The following PIGN variants were observed in gnomAD, a reference collection of about 807,000 sequenced individuals.
The protein encoded by PIGN is phosphatidylinositol glycan anchor biosynthesis class N, also known as GPI ethanolamine phosphate transferase 1.
PIGN carries 117 observed loss-of-function variants against 125.4 expected under a neutral mutation model. The observed-to-expected ratio is 0.93, with a 90% confidence interval of 0.80 to 1.09. The LOEUF is 1.09. Among genes scored for constraint, PIGN ranks in the 50% least tolerant of loss-of-function variants. PIGN has a pLI of 0.00. For synonymous variants in PIGN, 392 were observed against 377.8 expected (o/e 1.04, Z -0.44); for missense variants, 1,075 against 1,094.9 (o/e 0.98, Z 0.26).
chr18:62,037,677 CTGG>C (rs2030278660), downstream of PIGN, among the ~76,000 whole-genome samples: 5 of 152,196 alleles, frequency 3.3e-5, no homozygotes, highest in Non-Finnish European at 2.9e-5. Flanking sequence ...GCACGGTGAG[CTGG>C]AGAGACCTTT....
intron 23 of PIGN, among the ~76,000 whole-genome samples, chr18:62,022,945 A>G (rs2030071030): frequency 6.6e-6 from 1 of 152,198 alleles, no homozygotes. Flanking sequence ...ATAATTTCTA[A>G]ATTACTTATA....
intron 4 of PIGN, 92 bp downstream of exon 4, chr18:62,161,041 C>A (rs1025334541): frequency 1.3e-5 from 10 of 765,976 alleles, no homozygotes; most frequent in Non-Finnish European, 2.1e-5. Context: ...CACCCCTGTG[C>A]CCAGTGCATG....
intron 14 of PIGN, chr18:62,137,472 AACCCTAATACACCC>A (rs559126221): frequency 4.4e-4 from 78 of 177,346 alleles, no homozygotes; most frequent in East Asian, 1.4e-3. Flanking sequence ...CCCTCTAGAG[AACCCTAATACACCC>A]ACCCAGTAGA....
intron 27 of PIGN, 108 bp from the exon 28 acceptor site, chr18:62,082,854 T>C (rs1241277017): frequency 3.0e-6 from 2 of 656,514 alleles, no homozygotes; most frequent in Non-Finnish European, 5.4e-6. Context: ...CTCAAGTAAC[T>C]TTTATATATA....
intron 6 of PIGN, 96 bp from the exon 7 acceptor site, chr18:62,154,747 A>T: frequency 1.5e-6 from 1 of 684,814 alleles, no homozygotes; most frequent in Non-Finnish European, 2.6e-6. Flanking sequence ...GTGAGTAACC[A>T]GAATTTTCAC....
At chr18:62,125,166 A>T (rs1308749091) in intron 14 of PIGN, among the ~76,000 whole-genome samples, 1 of 121,012 alleles carries the variant, frequency 8.3e-6, no homozygotes, top group African/African-American at 2.9e-5. Flanking sequence ...ATGTTTGTAC[A>T]TATGTGTATA....
At chr18:62,085,472 G>A (rs191974539) in intron 25 of PIGN, among the ~76,000 whole-genome samples, 43 of 152,174 alleles carry the variant, frequency 2.8e-4, no homozygotes, top group Admixed American at 7.2e-4. Flanking sequence ...GAATAATGAG[G>A]CCTGAGAGGT....
At chr18:62,117,990 A>G (rs2035154008) in intron 14 of PIGN, among the ~76,000 whole-genome samples, 1 of 152,152 alleles carries the variant, frequency 6.6e-6, no homozygotes, top group Non-Finnish European at 1.5e-5. Flanking sequence ...ACTGATGGGC[A>G]CTTGGATTGA....
intron 1 of PIGN, among the ~76,000 whole-genome samples, chr18:62,170,499 A>G (rs1197503322): frequency 2.6e-5 from 4 of 152,244 alleles, no homozygotes; most frequent in Non-Finnish European, 5.9e-5. Flanking sequence ...ACAATTCCAT[A>G]TAAGACAGCA....
intron 14 of PIGN, among the ~76,000 whole-genome samples, chr18:62,115,822 C>T (rs2035065800): frequency 6.6e-6 from 1 of 152,100 alleles, no homozygotes; most frequent in East Asian, 1.9e-4. Context: ...GATTAAGGAT[C>T]TGTGCTTTGG....
At chr18:62,180,611 C>A (rs548608185) in intron 1 of PIGN, among the ~76,000 whole-genome samples, 1 of 152,154 alleles carries the variant, frequency 6.6e-6, no homozygotes, top group East Asian at 1.9e-4. Context: ...AAAATTTTTT[C>A]ATGTTTTTAT....
At chr18:62,156,993 C>T (rs1346425288) in intron 6 of PIGN, 136 bp downstream of exon 6, 2 of 517,484 alleles carry the variant, frequency 3.9e-6, no homozygotes, top group Middle Eastern at 5.6e-4. Context: ...AATTAAACAT[C>T]CCTATTTCAG....
chr18:62,071,940 T>A (rs1455381145), intron 30 of PIGN, among the ~76,000 whole-genome samples: 1 of 138,368 alleles, frequency 7.2e-6, no homozygotes, highest in Non-Finnish European at 1.5e-5. Flanking sequence ...CTCAGGCAGG[T>A]CCTTCAGGAG....
chr18:62,140,345 A>AG, intron 12 of PIGN, 75 bp downstream of exon 12: 1 of 673,446 alleles, frequency 1.5e-6, no homozygotes, highest in Non-Finnish European at 2.5e-6. Context: ...TCAGAAACAC[A>AG]TAAAAAAGAG....
rs1870340359 is a variant in PIGN, at chr18:62,096,096, AC to A, written c.2078-147del. ...GATCACCTGAGGTCAGGAGTTCGAG[AC>A]CAGCCTTGCCAACATGATAAAACCC... On this transcript the variant is annotated intron_variant, in intron 22 of 30. Transcript: ENST00000640252. 1.0e-5 allele frequency: 5 copies of A among 485,238 alleles called. No individual in the cohort carries two copies. In the South Asian group the frequency reaches 2.0e-4, roughly 19 times the overall value. 30.1% of individuals were successfully genotyped at this position (485,238 alleles called of 1,614,324 possible). A position where few individuals can be genotyped will look rare whatever the true frequency, so the allele number is the denominator to read the frequency against.
chr18:62,089,901 C>A (rs1441085414), intron 24 of PIGN, among the ~76,000 whole-genome samples: 1 of 152,098 alleles, frequency 6.6e-6, no homozygotes, highest in Non-Finnish European at 1.5e-5. Context: ...AACTCTGTAG[C>A]CCACCATGAT....
intron 7 of PIGN, among the ~76,000 whole-genome samples, chr18:62,150,657 T>C (rs1366503001): frequency 6.6e-6 from 1 of 151,430 alleles, no homozygotes; most frequent in Non-Finnish European, 1.5e-5. Flanking sequence ...AGAATGGTGG[T>C]TGCCAGGCGT....
intron 23 of PIGN, among the ~76,000 whole-genome samples, chr18:62,032,954 G>A (rs1304876115): frequency 6.6e-6 from 1 of 152,202 alleles, no homozygotes; most frequent in Non-Finnish European, 1.5e-5. Context: ...AAAGGTTTTG[G>A]TCACAAGTAA....
chr18:62,061,451 GC>G (rs1166619346), intron 30 of PIGN, among the ~76,000 whole-genome samples: 1 of 70,450 alleles, frequency 1.4e-5, no homozygotes, highest in African/African-American at 4.2e-5. Flanking sequence ...CTTGCAGTGA[GC>G]CGAGATTGTG....
Sources: gnomAD v4.1 joint callset for allele counts (sites outside exome capture counted in the v4.1 genomes callset) on GRCh38, gnomAD v4.1.1 for gene constraint, MANE v1.5 for transcripts, NCBI Gene and HGNC (gene_info 2026-07-23, HGNC 2026-07-21) for gene names.